The following IL17F variants were observed in gnomAD, a reference collection of about 807,000 sequenced individuals.
IL17F encodes interleukin 17F.
A neutral mutation model predicts 8.3 loss-of-function variants in IL17F; 6 were observed. The observed-to-expected ratio is 0.73, with a 90% CI of 0.40 to 1.43. The LOEUF (loss-of-function observed/expected upper bound fraction) is 1.43. Ranked by LOEUF, IL17F falls within the 40% of genes most tolerant of loss-of-function variation. The pLI, the probability that IL17F is intolerant of heterozygous loss-of-function variation, is 0.02. For synonymous variants in IL17F, 98 were observed against 81.6 expected (o/e 1.20, Z -1.08); for missense variants, 204 against 209.6 (o/e 0.97, Z 0.17).
chr6:52,243,413 C>T (rs1359610802), intron 1 of IL17F, among the ~76,000 whole-genome samples: 1 of 152,018 alleles, frequency 6.6e-6, no homozygotes, highest in Non-Finnish European at 1.5e-5. Context: ...TGAGATGGTA[C>T]AAAATAAATA....
Position 52,238,824 on chromosome 6 carries a change from T to G in IL17F, c.160A>C (p.Ser54Arg), listed in dbSNP as rs1372951889. 6.2e-7 allele frequency: 1 copy of G among 1,614,066 alleles called. No individual in the cohort carries two copies. The highest frequency in any genetic ancestry group is 1.7e-5 in the Admixed American group (1 of 60,008). ...ATGATGCCAATGTCAAGCTTCATAC[T>G]ACCTCCTGGCACAGGCGGGCAACTC... Reference protein sequence around the residue: ...PESCPPVPGGSMKLDIGIINE... With the variant: ...PESCPPVPGGRMKLDIGIINE... Residue 54 changes from serine (S) to arginine (R), a missense_variant, in exon 2 of 3, where the codon AGT becomes CGT. Coordinates refer to ENST00000336123, the MANE Select transcript of IL17F (RefSeq NM_052872.4).
intron 1 of IL17F, among the ~76,000 whole-genome samples, chr6:52,239,445 C>T (rs571221198): frequency 3.3e-5 from 5 of 152,288 alleles, no homozygotes; most frequent in Admixed American, 6.5e-5. Flanking sequence ...AATCCTTCTT[C>T]GGAGCCACCC....
At chr6:52,241,542 T>C (rs1053510081) in intron 1 of IL17F, among the ~76,000 whole-genome samples, 5 of 152,244 alleles carry the variant, frequency 3.3e-5, no homozygotes, top group Non-Finnish European at 7.3e-5. Context: ...ATTTTCATTA[T>C]GAAAACTTTT....
chr6:52,236,924 G>A lies in IL17F; in HGVS notation c.*7C>T. Reference sequence around the variant, plus strand: ...ACAGCTTCTTCAGCTGAGTGGATATGCACCTCTTACTGCACATGGTGGATG... The same window carrying A: ...ACAGCTTCTTCAGCTGAGTGGATATACACCTCTTACTGCACATGGTGGATG... On this transcript the variant is annotated 3_prime_UTR_variant, in exon 3 of 3. Transcript: ENST00000336123. 6.2e-7 allele frequency: 1 copy of A among 1,605,254 alleles called. No individual in the cohort carries two copies.
At chr6:52,237,207 G>T (rs766543490) in intron 2 of IL17F, 39 bp from the exon 3 acceptor site, 5 of 1,498,642 alleles carry the variant, frequency 3.3e-6, no homozygotes, top group South Asian at 1.1e-5. Flanking sequence ...GGTGAGGCAT[G>T]GGGGAGGAAG....
chr6:52,239,219 G>C, intron 1 of IL17F: 2 of 458,902 alleles, frequency 4.4e-6, no homozygotes, highest in South Asian at 4.8e-5. Flanking sequence ...GCAAGGGTCT[G>C]AGATTGAGTT....
chr6:52,240,731 C>G (rs1764058698), intron 1 of IL17F, among the ~76,000 whole-genome samples: 1 of 152,076 alleles, frequency 6.6e-6, no homozygotes, highest in Admixed American at 6.6e-5. Flanking sequence ...AGATAATCAG[C>G]AATCATCAAC....
At chr6:52,245,353 C>A (rs1297787376), upstream of IL17F, among the ~76,000 whole-genome samples, 1 of 152,246 alleles carries the variant, frequency 6.6e-6, no homozygotes, top group Admixed American at 6.5e-5. Context: ...GCCTCTGGGA[C>A]TTCTGACTGA....
intron 1 of IL17F, among the ~76,000 whole-genome samples, chr6:52,243,095 A>G (rs1764100156): frequency 6.6e-6 from 1 of 152,220 alleles, no homozygotes; most frequent in Non-Finnish European, 1.5e-5. Context: ...ATGCCCCTAA[A>G]TATGGCACTT....
At position 52,237,074 on chromosome 6, in the gene IL17F, A is replaced by G; in HGVS notation, c.349T>C (p.Ser117Pro). ...CINAQGKEDISMNSVPIQQET... is the reference protein window; with the variant it reads ...CINAQGKEDIPMNSVPIQQET... Reference sequence around the variant, plus strand: ...TGCTGGATGGGAACGGAATTCATGGAGATGTCTTCCTTTCCTTGAGCATTG... The same window carrying G: ...TGCTGGATGGGAACGGAATTCATGGGGATGTCTTCCTTTCCTTGAGCATTG... The change falls in exon 3 of 3, where the codon TCC becomes CCC. Residue 117 changes from serine to proline, a missense_variant. Transcript: ENST00000336123. The G allele has an allele frequency of 3.1e-6, 5 of 1,614,204 alleles. No homozygotes were observed. The highest frequency in any genetic ancestry group is 4.2e-6 in the Non-Finnish European group (5 of 1,180,010).
chr6:52,241,090 G>T (rs1764067151), intron 1 of IL17F, among the ~76,000 whole-genome samples: 1 of 151,616 alleles, frequency 6.6e-6, no homozygotes, highest in Non-Finnish European at 1.5e-5. Context: ...TTGTTTGTTT[G>T]TTTGTTTTGA....
chr6:52,244,175 A>T (rs1764121027), intron 1 of IL17F, among the ~76,000 whole-genome samples: 1 of 152,054 alleles, frequency 6.6e-6, no homozygotes. Flanking sequence ...GATTACAGGC[A>T]TGAGCCACCA....
At chr6:52,242,801 C>T (rs918180893) in intron 1 of IL17F, among the ~76,000 whole-genome samples, 7 of 152,172 alleles carry the variant, frequency 4.6e-5, no homozygotes, top group Non-Finnish European at 7.3e-5. Context: ...TTAATATGAA[C>T]AGTTAACACT....
upstream of IL17F, chr6:52,244,643 C>T: frequency 1.7e-6 from 1 of 587,760 alleles, no homozygotes; most frequent in Non-Finnish European, 3.0e-6. Context: ...CGAAGGGGAA[C>T]AAAAGGGGGA....
At position 52,236,861 on chromosome 6, in the gene IL17F, G is replaced by T; in HGVS notation, c.*70C>A. The T allele has an allele frequency of 8.1e-7, 1 of 1,227,074 alleles. No homozygotes were observed. Among genetic ancestry groups the T allele is most frequent in the Non-Finnish European group, 1.2e-6 (1 of 827,844 alleles). 76.0% of individuals were successfully genotyped at this position (1,227,074 alleles called of 1,614,324 possible). On this transcript the variant is annotated 3_prime_UTR_variant, in exon 3 of 3. Transcript: ENST00000336123. ...GTGGAGGGAATTGGGGGTCAGACAG[G>T]ACTTGTTGCAGAGCACTGGGTAAGG...
chr6:52,238,082 C>G (rs1324257291), intron 2 of IL17F, among the ~76,000 whole-genome samples: 1 of 152,176 alleles, frequency 6.6e-6, no homozygotes, highest in Non-Finnish European at 1.5e-5. Context: ...TCCATATCTT[C>G]CCAGTTCGAG....
intron 2 of IL17F, among the ~76,000 whole-genome samples, chr6:52,237,632 A>T (rs1763988697): frequency 1.3e-5 from 2 of 151,982 alleles, no homozygotes. Context: ...TGTGAATCTC[A>T]GACCTTCTCT....
intron 1 of IL17F, among the ~76,000 whole-genome samples, chr6:52,239,819 A>G (rs1764037824): frequency 6.6e-6 from 1 of 152,238 alleles, no homozygotes. Context: ...GAAAAACATT[A>G]CGCAAAACCA....
intron 2 of IL17F, 24 bp from the exon 3 acceptor site, chr6:52,237,192 A>C: frequency 1.3e-6 from 2 of 1,575,984 alleles, no homozygotes; most frequent in Non-Finnish European, 1.7e-6. Flanking sequence ...AAGCCAAAGC[A>C]CAATGGTGAG....
Sources: gnomAD v4.1 joint callset for allele counts (sites outside exome capture counted in the v4.1 genomes callset) on GRCh38, gnomAD v4.1.1 for gene constraint, MANE v1.5 for transcripts, NCBI Gene and HGNC (gene_info 2026-07-23, HGNC 2026-07-21) for gene names.